The following CGNL1 variants were observed in gnomAD, a reference collection of about 807,000 sequenced individuals.
CGNL1 encodes cingulin like 1, also known as cingulin-like protein 1.
In CGNL1, 132 loss-of-function variants were observed where a neutral mutation model predicts 141.2. The observed-to-expected ratio is 0.93, with a 90% CI of 0.81 to 1.08. The LOEUF is 1.08. Ranked by LOEUF, CGNL1 falls within the 50% of genes least tolerant of loss-of-function variation. CGNL1 has a pLI of 0.00. For synonymous variants in CGNL1, 690 were observed against 622.1 expected (o/e 1.11, Z -1.63); for missense variants, 1,870 against 1,588.6 (o/e 1.18, Z -3.01).
chr15:57,492,699 G>A (rs372907984), intron 8 of CGNL1, among the ~76,000 whole-genome samples: 7 of 146,300 alleles, frequency 4.8e-5, no homozygotes, highest in Non-Finnish European at 9.1e-5. Context: ...TGTCCATAAG[G>A]AAAAAAAAAA....
chr15:57,438,636 G>A lies in CGNL1; in HGVS notation c.637G>A (p.Val213Met), dbSNP rs771782912. The change falls in exon 2 of 19, where the codon GTG (valine) becomes ATG (methionine). Residue 213 changes from valine to methionine, a missense_variant. Transcript: ENST00000281282. ...PSLEDPAKSG[V>M]TAIRLCSSVV... Reference sequence around the variant, plus strand: ...CTTGGAAGACCCGGCCAAATCTGGTGTGACAGCTATTCGTTTATGCAGCTC... The same window carrying A: ...CTTGGAAGACCCGGCCAAATCTGGTATGACAGCTATTCGTTTATGCAGCTC... 8 of 1,613,952 alleles carry A rather than the reference G, an allele frequency of 5.0e-6. No homozygotes were observed. In the African/African-American group the frequency reaches 5.3e-5, roughly 11 times the overall value.
At chr15:57,485,370 A>C (rs2063773501) in intron 8 of CGNL1, among the ~76,000 whole-genome samples, 1 of 152,218 alleles carries the variant, frequency 6.6e-6, no homozygotes, top group South Asian at 2.1e-4. Context: ...TTTTGCTAGA[A>C]AGAGATTTCA....
intron 1 of CGNL1, among the ~76,000 whole-genome samples, chr15:57,418,798 G>C (rs749674432): frequency 6.6e-6 from 1 of 152,292 alleles, no homozygotes; most frequent in Middle Eastern, 3.4e-3. Context: ...ATGTGTGCCC[G>C]GTGACCTATT....
At chr15:57,531,623 G>T in intron 13 of CGNL1, 67 bp from the exon 14 acceptor site, 2 of 987,260 alleles carry the variant, frequency 2.0e-6, no homozygotes, top group Non-Finnish European at 3.3e-6. Context: ...TTCTCTGTGG[G>T]GGAGCCTTTG....
In CGNL1 at chr15:57,500,063, C is replaced by T. The variant is rs182334097; in HGVS notation, c.2404-16717C>T. The stretch of plus-strand genomic sequence containing the variant: ...TGAGGTGTGTATTGGAGTTGGGCAG[C>T]CTTGCTTTCTAGCAGTGACTGGATG... On this transcript the variant is annotated intron_variant, in intron 8 of 18. Transcript: ENST00000281282. Among the ~76,000 whole-genome samples the T allele has an allele frequency of 5.9e-3, 900 of 152,090 alleles. 3 individuals are homozygous for T. The highest frequency in any genetic ancestry group is 0.01 in the Non-Finnish European group (708 of 67,972).
intron 8 of CGNL1, among the ~76,000 whole-genome samples, chr15:57,506,566 C>A (rs60767381): frequency 0.02 from 3,058 of 152,264 alleles, 84 homozygotes; most frequent in African/African-American, 0.07. Context: ...GTAGCTGAAG[C>A]CCCCAGCTGG....
At chr15:57,383,286 T>G (rs1295064539) in intron 1 of CGNL1, among the ~76,000 whole-genome samples, 1 of 140,198 alleles carries the variant, frequency 7.1e-6, no homozygotes, top group Non-Finnish European at 1.5e-5. Context: ...TAAGATTTCT[T>G]TCTTCCTTTT....
intron 10 of CGNL1, among the ~76,000 whole-genome samples, chr15:57,520,273 A>T (rs1312919334): frequency 1.3e-5 from 2 of 152,230 alleles, no homozygotes; most frequent in African/African-American, 4.8e-5. Context: ...TGGAAACCAG[A>T]TAGTCAGCTC....
intron 4 of CGNL1, among the ~76,000 whole-genome samples, chr15:57,445,231 C>T (rs2063236930): frequency 6.6e-6 from 1 of 152,150 alleles, no homozygotes; most frequent in South Asian, 2.1e-4. Context: ...TGTACTCCAG[C>T]CTGGGTGACA....
chr15:57,473,344 T>C (rs944585167), intron 8 of CGNL1, among the ~76,000 whole-genome samples: 1 of 152,220 alleles, frequency 6.6e-6, no homozygotes, highest in Non-Finnish European at 1.5e-5. Flanking sequence ...TTTGGCGTTA[T>C]GATTTGATCA....
Position 57,438,144 on chromosome 15 carries a change from A to T in CGNL1, c.145A>T (p.Ile49Phe), listed in dbSNP as rs1397165476. Residue 49 changes from isoleucine to phenylalanine, a missense_variant, in exon 2 of 19, where the codon ATT (isoleucine) becomes TTT (phenylalanine). Transcript: ENST00000281282. ...SYGVSIRVQG[I>F]DGHPYIVLNN... ...CGGTGTCAGTATTCGGGTCCAGGGA[A>T]TTGATGGTCACCCCTATATTGTCCT... 1 of 1,614,152 alleles carries T rather than the reference A, an allele frequency of 6.2e-7. No homozygotes were observed. The highest frequency in any genetic ancestry group is 8.5e-7 in the Non-Finnish European group (1 of 1,180,022).
chr15:57,547,636 C>T lies in CGNL1; in HGVS notation c.*146C>T. ...CATGCCAGCTCCTCAGTGTTACATT[C>T]CTCGCCAGGGTCTCTCAGTGGGTCT... is the stretch of plus-strand genomic sequence containing the variant. On this transcript the variant is annotated 3_prime_UTR_variant, in exon 19 of 19. Transcript: ENST00000281282. 4 of 892,752 alleles carry T rather than the reference C, an allele frequency of 4.5e-6. No homozygotes were observed. The South Asian group carries it at 5.4e-5, about 12-fold the overall frequency. The allele number at this position is 892,752 out of a possible 1,614,324, so 55.3% of individuals were successfully genotyped here. A position where few individuals can be genotyped will look rare whatever the true frequency, so the allele number is the denominator to read the frequency against.
chr15:57,398,638 A>G (rs2062627936), intron 1 of CGNL1, among the ~76,000 whole-genome samples: 1 of 152,218 alleles, frequency 6.6e-6, no homozygotes, highest in African/African-American at 2.4e-5. Context: ...AGTCTTTCAA[A>G]CATAATAACT....
rs2030876787 is a variant in CGNL1, at chr15:57,517,117, A to G, written c.2610+131A>G. 4 of 851,072 alleles carry G rather than the reference A, an allele frequency of 4.7e-6. No homozygotes were observed. In the East Asian group the frequency reaches 1.1e-4, roughly 23 times the overall value. 52.7% of individuals were successfully genotyped at this position (851,072 alleles called of 1,614,324 possible). ...GAAAGGTCAAGGCAATAGTGAATACATCCTCTCTGCAAGCCATTTCTTTGT... is the reference window on the plus strand; with the variant it reads ...GAAAGGTCAAGGCAATAGTGAATACGTCCTCTCTGCAAGCCATTTCTTTGT... On this transcript the variant is annotated intron_variant, in intron 9 of 18. Transcript: ENST00000281282.
intron 1 of CGNL1, among the ~76,000 whole-genome samples, chr15:57,435,016 G>A (rs1274307879): frequency 2.0e-5 from 3 of 152,100 alleles, no homozygotes; most frequent in Middle Eastern, 3.4e-3. Flanking sequence ...GTAAAAAAGA[G>A]GTCACCAAAT....
At chr15:57,543,673 G>A (rs1475525833) in intron 14 of CGNL1, 23 bp from the exon 15 acceptor site, 3 of 1,595,154 alleles carry the variant, frequency 1.9e-6, no homozygotes, top group South Asian at 2.2e-5. Context: ...CTAACCTCTG[G>A]GCTTTTGTTC....
Position 57,405,795 on chromosome 15 carries a change from T to C in CGNL1, c.-16+29228T>C, listed in dbSNP as rs1277826660. Among the ~76,000 whole-genome samples the C allele has an allele frequency of 5.4e-3, 686 of 126,890 alleles. 5 individuals are homozygous for C. The highest frequency in any genetic ancestry group is 0.021 in the African/African-American group (647 of 30,452). The allele number at this position is 126,890 out of a possible 152,430, so 83.2% of individuals were successfully genotyped here. On this transcript the variant is annotated intron_variant, in intron 1 of 18. Coordinates refer to ENST00000281282, the MANE Select transcript of CGNL1 (RefSeq NM_032866.5). ...TTCTCTTTCTTTCTTTCTTTCTTTC[T>C]TTCTTTCTTTCTTTCCTTCTTTCTT...
chr15:57,394,555 C>G (rs1182620984), intron 1 of CGNL1, among the ~76,000 whole-genome samples: 1 of 152,256 alleles, frequency 6.6e-6, no homozygotes, highest in Admixed American at 6.5e-5. Context: ...AGGCAGTTTG[C>G]TATTTCTTAT....
chr15:57,485,219 G>A (rs1397992579), intron 8 of CGNL1, among the ~76,000 whole-genome samples: 1 of 152,002 alleles, frequency 6.6e-6, no homozygotes, highest in Non-Finnish European at 1.5e-5. Flanking sequence ...AAGTGCTTGG[G>A]TGTTTGCCTG....
Sources: gnomAD v4.1 joint callset for allele counts (sites outside exome capture counted in the v4.1 genomes callset) on GRCh38, gnomAD v4.1.1 for gene constraint, MANE v1.5 for transcripts, NCBI Gene and HGNC (gene_info 2026-07-23, HGNC 2026-07-21) for gene names.